The following LRP1B variants were observed in gnomAD, a reference collection of about 807,000 sequenced individuals.
LRP1B encodes the protein LDL receptor related protein 1B, also known as low-density lipoprotein receptor-related protein 1B.
LRP1B carries 217 observed loss-of-function variants against 556.6 expected under a neutral mutation model. The ratio of observed to expected loss-of-function variants is 0.39; its 90% CI spans 0.35 to 0.44. LRP1B has a LOEUF of 0.44. Ranked by LOEUF, LRP1B falls within the 20% of genes least tolerant of loss-of-function variation. The pLI, the probability that LRP1B is intolerant of heterozygous loss-of-function variation, is 1.00. For missense variants in LRP1B, 5,053 were observed against 5,620.8 expected (o/e 0.90, Z 3.23); for synonymous variants, 2,047 against 1,865.8 (o/e 1.10, Z -2.50).
chr2:142,001,318 AT>A (rs1702647212), intron 1 of LRP1B, among the ~76,000 whole-genome samples: 1 of 152,178 alleles, frequency 6.6e-6, no homozygotes, highest in Non-Finnish European at 1.5e-5. Context: ...TTCATTGTGC[AT>A]TGGGGCTATT....
chr2:140,310,470 A>C (rs1206869697), intron 83 of LRP1B, among the ~76,000 whole-genome samples: 3 of 151,326 alleles, frequency 2.0e-5, no homozygotes, highest in Non-Finnish European at 4.4e-5. Flanking sequence ...AAGAAACAGG[A>C]GGCATTACAT....
At chr2:140,693,725 G>A (rs964800174) in intron 41 of LRP1B, among the ~76,000 whole-genome samples, 1 of 150,308 alleles carries the variant, frequency 6.7e-6, no homozygotes, top group African/African-American at 2.4e-5. Flanking sequence ...TGGCGGGGGG[G>A]CGTGGAGAGT....
At chr2:141,620,671 T>G (rs898947914) in intron 2 of LRP1B, among the ~76,000 whole-genome samples, 1 of 152,220 alleles carries the variant, frequency 6.6e-6, no homozygotes, top group African/African-American at 2.4e-5. Flanking sequence ...TCACTCATGG[T>G]GGAATAACAA....
Position 140,326,501 on chromosome 2 carries a change from C to T in LRP1B, c.12224-623G>A, listed in dbSNP as rs641780. Among the ~76,000 whole-genome samples, 5 of 151,834 alleles carry T rather than the reference C, an allele frequency of 3.3e-5. No individual in the cohort carries two copies. In the South Asian group the frequency reaches 6.2e-4, roughly 19 times the overall value. ...ACCACTTTGGGAGCCTGAGGCGGGA[C>T]GGTCAGGAGATTGAGACCAGCTGGC... On this transcript the variant is annotated intron_variant, in intron 79 of 90. Coordinates refer to ENST00000389484, the MANE Select transcript of LRP1B (RefSeq NM_018557.3).
At chr2:141,287,265 A>G (rs2048736005) in intron 3 of LRP1B, among the ~76,000 whole-genome samples, 1 of 151,340 alleles carries the variant, frequency 6.6e-6, no homozygotes, top group Non-Finnish European at 1.5e-5. Flanking sequence ...TCTTCTCTTT[A>G]TAATAGCCTA....
At chr2:140,409,328 T>A (rs552514587) in intron 66 of LRP1B, among the ~76,000 whole-genome samples, 17 of 152,018 alleles carry the variant, frequency 1.1e-4, no homozygotes, top group Non-Finnish European at 1.8e-4. Context: ...AAAAGCAAAT[T>A]TATCTTTGAA....
chr2:141,694,454 G>C (rs760020740), intron 2 of LRP1B, among the ~76,000 whole-genome samples: 1 of 152,016 alleles, frequency 6.6e-6, no homozygotes, highest in Non-Finnish European at 1.5e-5. Flanking sequence ...AGAACTTCTT[G>C]TGTACCAATA....
chr2:140,903,683 G>A (rs143160476), intron 22 of LRP1B, among the ~76,000 whole-genome samples: 7 of 151,836 alleles, frequency 4.6e-5, no homozygotes, highest in African/African-American at 1.4e-4. Context: ...AATGCAGAAT[G>A]GATTACTTTA....
At chr2:140,780,614 C>T (rs1195788632) in intron 32 of LRP1B, among the ~76,000 whole-genome samples, 1 of 152,148 alleles carries the variant, frequency 6.6e-6, no homozygotes, top group South Asian at 2.1e-4. Context: ...AGAAACTACA[C>T]ACATTAAAGC....
chr2:140,335,661 T>A lies in LRP1B; in HGVS notation c.12070A>T (p.Asn4024Tyr). 6.2e-7 allele frequency: 1 copy of A among 1,612,686 alleles called. No homozygotes were observed. The highest frequency in any genetic ancestry group is 8.5e-7 in the Non-Finnish European group (1 of 1,179,024). The change falls in exon 78 of 91, where the codon AAT (asparagine) becomes TAT (tyrosine). Residue 4024 changes from asparagine to tyrosine, a missense_variant. By Grantham distance (143) the Asn-to-Tyr change is moderately radical. This residue lies in a region of LRP1B where 599 missense variants were observed against 648.4 expected (regional missense o/e 0.92). Transcript: ENST00000389484. Reference sequence around the variant, plus strand: ...ATAGCATAGGGTTCTCCAGCCATATTTGTTAAGAGTCTGGTGCAGTTGGGG... The same window carrying A: ...ATAGCATAGGGTTCTCCAGCCATATATGTTAAGAGTCTGGTGCAGTTGGGG... ...NGPNCTRLLT[N>Y]MAGEPYAIAV...
chr2:141,613,966 G>A (rs868165009), intron 2 of LRP1B, among the ~76,000 whole-genome samples: 2 of 149,774 alleles, frequency 1.3e-5, no homozygotes, highest in African/African-American at 2.5e-5. Context: ...CCAGCTACTC[G>A]GGAGGCTGAG....
At chr2:140,304,814 T>C (rs1466988476) in intron 83 of LRP1B, among the ~76,000 whole-genome samples, 1 of 152,194 alleles carries the variant, frequency 6.6e-6, no homozygotes, top group Non-Finnish European at 1.5e-5. Flanking sequence ...CTTTAATCCA[T>C]CTTGAATTAA....
intron 43 of LRP1B, among the ~76,000 whole-genome samples, chr2:140,554,854 A>ATGTG (rs1553485749): frequency 0.036 from 5,246 of 146,064 alleles, 113 homozygotes; most frequent in African/African-American, 0.072. Context: ...AAGTGTGTGT[A>ATGTG]TGTGTGTGTG....
chr2:141,532,838 T>C (rs980381946), intron 2 of LRP1B, among the ~76,000 whole-genome samples: 3 of 151,924 alleles, frequency 2.0e-5, no homozygotes, highest in African/African-American at 7.3e-5. Flanking sequence ...ATACAAAAAT[T>C]AGCCGGGTAT....
At chr2:140,305,294 A>G (rs1210358694) in intron 83 of LRP1B, among the ~76,000 whole-genome samples, 1 of 152,298 alleles carries the variant, frequency 6.6e-6, no homozygotes, top group East Asian at 1.9e-4. Flanking sequence ...ATGAGCATGG[A>G]AATTTCTTCC....
At chr2:141,152,910 A>G (rs996598894) in intron 7 of LRP1B, among the ~76,000 whole-genome samples, 9 of 151,354 alleles carry the variant, frequency 5.9e-5, no homozygotes, top group Non-Finnish European at 8.9e-5. Flanking sequence ...AAAATTTAAT[A>G]TATTCTTTGT....
intron 32 of LRP1B, among the ~76,000 whole-genome samples, chr2:140,784,083 A>G (rs1448960592): frequency 6.6e-6 from 1 of 152,110 alleles, no homozygotes; most frequent in African/African-American, 2.4e-5. Flanking sequence ...CATTAGAATC[A>G]CCTGGAAGAC....
chr2:141,870,688 C>G (rs1389975822), intron 1 of LRP1B, among the ~76,000 whole-genome samples: 1 of 151,870 alleles, frequency 6.6e-6, no homozygotes, highest in African/African-American at 2.4e-5. Context: ...ACAAATCCAA[C>G]TTTTCTTATA....
At chr2:140,484,868 T>A (rs1255456695) in intron 59 of LRP1B, among the ~76,000 whole-genome samples, 1 of 152,118 alleles carries the variant, frequency 6.6e-6, no homozygotes, top group African/African-American at 2.4e-5. Flanking sequence ...CCCATTCAGC[T>A]TTTCATCTTG....
Sources: allele counts gnomAD v4.1 joint callset (sites outside exome capture counted in the v4.1 genomes callset), GRCh38; gene constraint gnomAD v4.1.1; regional missense constraint gnomAD v4.1.1; transcripts MANE v1.5; gene names NCBI Gene and HGNC (gene_info 2026-07-23, HGNC 2026-07-21).